The following SHISA6 variants were observed in gnomAD, a reference collection of about 807,000 sequenced individuals.
SHISA6 encodes the protein protein shisa-6.
Under a neutral mutation model 47.9 loss-of-function variants are expected in SHISA6, and 22 were observed. That is an observed-to-expected ratio of 0.46 (90% confidence interval 0.33 to 0.66). SHISA6 has a LOEUF of 0.66. Ranked by LOEUF, SHISA6 falls within the 30% of genes least tolerant of loss-of-function variation. The pLI is 0.02. For synonymous variants in SHISA6, 388 were observed against 337.8 expected, an observed-to-expected ratio of 1.15 and a Z score of -1.63; for missense variants, 680 against 764.6, an observed-to-expected ratio of 0.89 and a Z score of 1.30.
At chr17:11,382,895 A>T (rs557155514) in intron 3 of SHISA6, among the ~76,000 whole-genome samples, 1 of 140,238 alleles carries the variant, frequency 7.1e-6, no homozygotes, top group African/African-American at 2.7e-5. Context: ...GGGAGTCTTC[A>T]TTGGAATCTT....
At chr17:11,318,736 A>G (rs1897728195) in intron 2 of SHISA6, among the ~76,000 whole-genome samples, 1 of 152,204 alleles carries the variant, frequency 6.6e-6, no homozygotes, top group South Asian at 2.1e-4. Flanking sequence ...ATCGTTCTTC[A>G]CATTTGATAA....
intron 2 of SHISA6, among the ~76,000 whole-genome samples, chr17:11,272,651 G>A (rs1166499495): frequency 6.6e-6 from 1 of 152,138 alleles, no homozygotes; most frequent in Non-Finnish European, 1.5e-5. Flanking sequence ...TATCAGCATA[G>A]CTCACCTGAC....
At chr17:11,419,421 G>A (rs1001703488) in intron 3 of SHISA6, among the ~76,000 whole-genome samples, 1 of 152,094 alleles carries the variant, frequency 6.6e-6, no homozygotes, top group African/African-American at 2.4e-5. Flanking sequence ...GAAGGGAAAA[G>A]TTTTAGGACA....
intron 2 of SHISA6, among the ~76,000 whole-genome samples, chr17:11,345,734 T>C (rs1204987355): frequency 6.6e-6 from 1 of 152,144 alleles, no homozygotes; most frequent in African/African-American, 2.4e-5. Context: ...TATTATAGAC[T>C]TGACTTATTA....
chr17:11,496,422 C>G (rs17773918), intron 3 of SHISA6, among the ~76,000 whole-genome samples: 15,688 of 152,278 alleles, frequency 0.1, 1,024 homozygotes, highest in Non-Finnish European at 0.14. Flanking sequence ...TTTACAGTGC[C>G]TACAAGGGCT....
At chr17:11,468,143 T>C (rs1915854977) in intron 3 of SHISA6, among the ~76,000 whole-genome samples, 1 of 152,032 alleles carries the variant, frequency 6.6e-6, no homozygotes. Context: ...CATTGCCCAA[T>C]TGCTGCCCTT....
chr17:11,512,347 G>A (rs1212190343), intron 3 of SHISA6, among the ~76,000 whole-genome samples: 2 of 152,100 alleles, frequency 1.3e-5, no homozygotes, highest in African/African-American at 4.8e-5. Flanking sequence ...GACACTTATA[G>A]ACAAGTACAC....
At chr17:11,376,245 T>G (rs757811017) in intron 2 of SHISA6, among the ~76,000 whole-genome samples, 1 of 152,084 alleles carries the variant, frequency 6.6e-6, no homozygotes, top group Non-Finnish European at 1.5e-5. Context: ...ATTAACTCTA[T>G]GCATCACCAA....
chr17:11,349,181 A>C (rs1270502878), intron 2 of SHISA6, among the ~76,000 whole-genome samples: 1 of 152,202 alleles, frequency 6.6e-6, no homozygotes, highest in East Asian at 1.9e-4. Context: ...ATTTGGCTGG[A>C]GTTCCCACCA....
chr17:11,515,313 A>AAAAGG (rs1339552656), intron 3 of SHISA6, among the ~76,000 whole-genome samples: 4 of 130,812 alleles, frequency 3.1e-5, no homozygotes, highest in African/African-American at 1.2e-4. Context: ...GAAGAAAGAA[A>AAAAGG]AAGGAAGGAA....
intron 2 of SHISA6, among the ~76,000 whole-genome samples, chr17:11,314,339 T>A (rs181704463): frequency 1.6e-4 from 25 of 152,260 alleles, no homozygotes; most frequent in Non-Finnish European, 2.9e-4. Context: ...TCTGCAAATT[T>A]ATAAAATATG....
intron 2 of SHISA6, among the ~76,000 whole-genome samples, chr17:11,371,205 T>C (rs1278572681): frequency 5.9e-5 from 9 of 152,200 alleles, no homozygotes; most frequent in Admixed American, 5.2e-4. Context: ...AGAAGCTGCC[T>C]TGTTAGTTCA....
chr17:11,435,949 A>T (rs1397425394), intron 3 of SHISA6, among the ~76,000 whole-genome samples: 1 of 152,214 alleles, frequency 6.6e-6, no homozygotes, highest in Non-Finnish European at 1.5e-5. Context: ...TAGTATTATG[A>T]CAAAACTATT....
intron 3 of SHISA6, among the ~76,000 whole-genome samples, chr17:11,507,349 T>C (rs978948567): frequency 6.6e-6 from 1 of 152,134 alleles, no homozygotes; most frequent in Non-Finnish European, 1.5e-5. Context: ...GCCCCGATGA[T>C]GTATGGAGCA....
At chr17:11,498,424 A>G (rs1332594565) in intron 3 of SHISA6, among the ~76,000 whole-genome samples, 2 of 152,208 alleles carry the variant, frequency 1.3e-5, no homozygotes, top group Non-Finnish European at 2.9e-5. Context: ...AAAGAGTTAC[A>G]TCGAAGGAAT....
At chr17:11,465,329 G>A (rs16944793) in intron 3 of SHISA6, among the ~76,000 whole-genome samples, 10,701 of 152,208 alleles carry the variant, frequency 0.07, 612 homozygotes, top group African/African-American at 0.15. Context: ...CTCGTATGCA[G>A]CCTTGCATTG....
At position 11,350,344 on chromosome 17, in the gene SHISA6, TA is replaced by T. The variant is rs1911844661; in HGVS notation, c.800-29068del. Among the ~76,000 whole-genome samples the T allele has an allele frequency of 9.4e-4, 2 of 2,128 alleles. 1 individual carries two copies. The highest frequency in any genetic ancestry group is 0.067 in the Non-Finnish European group (2 of 30). The allele number at this position is 2,128 out of a possible 152,430, so 1.4% of individuals were successfully genotyped here. A position where few individuals can be genotyped will look rare whatever the true frequency, so the allele number is the denominator to read the frequency against. On this transcript the variant is annotated intron_variant, in intron 2 of 5. Transcript: ENST00000441885. Reference sequence around the variant, plus strand: ...ACAGGCGCCTGCCACCACGCCCGGCTAATTTTTTTGTCATTTTAGTAGAGAC... The same window carrying T: ...ACAGGCGCCTGCCACCACGCCCGGCTATTTTTTTGTCATTTTAGTAGAGAC...
At chr17:11,526,116 C>CCG (rs1555542458) in intron 3 of SHISA6, among the ~76,000 whole-genome samples, 2 of 151,914 alleles carry the variant, frequency 1.3e-5, no homozygotes, top group South Asian at 4.2e-4. Context: ...GGGGACCCCC[C>CCG]CCCGCTCTCT....
chr17:11,335,416 C>T (rs554248310), intron 2 of SHISA6, among the ~76,000 whole-genome samples: 22 of 152,230 alleles, frequency 1.4e-4, no homozygotes, highest in Admixed American at 8.5e-4. Flanking sequence ...GCAGGGAAGC[C>T]GTGCTGCTAT....
Sources: allele counts gnomAD v4.1 joint callset (sites outside exome capture counted in the v4.1 genomes callset), GRCh38; gene constraint gnomAD v4.1.1; transcripts MANE v1.5; gene names NCBI Gene and HGNC (gene_info 2026-07-23, HGNC 2026-07-21).